Variants in ZNF407 observed in about 807,000 individuals in gnomAD.
The protein encoded by ZNF407 is zinc finger protein 407.
ZNF407 carries 17 observed loss-of-function variants against 131.2 expected under a neutral mutation model. That is an observed-to-expected ratio of 0.13 (90% CI 0.09 to 0.19). The LOEUF (loss-of-function observed/expected upper bound fraction) is 0.19, where lower values mean the gene tolerates loss of function less well. Among genes scored for constraint, ZNF407 ranks in the 10% least tolerant of loss-of-function variants. The pLI, the probability that ZNF407 is intolerant of heterozygous loss-of-function variation, is 1.00. For missense variants in ZNF407, 2,681 were observed against 2,830.6 expected (o/e 0.95, Z 1.20); for synonymous variants, 1,156 against 1,062.0 (o/e 1.09, Z -1.72).
At chr18:74,911,389 T>A (rs1225212263) in intron 7 of ZNF407, among the ~76,000 whole-genome samples, 1 of 152,222 alleles carries the variant, frequency 6.6e-6, no homozygotes, top group Non-Finnish European at 1.5e-5. Context: ...AGAATTGTAA[T>A]TGTGTTAACT....
intron 8 of ZNF407, among the ~76,000 whole-genome samples, chr18:75,004,622 A>G (rs1972886533): frequency 1.3e-5 from 2 of 152,198 alleles, no homozygotes; most frequent in South Asian, 4.1e-4. Flanking sequence ...CCCATCGTTG[A>G]GAACTGGAAT....
rs139046443 is a variant in ZNF407, at chr18:74,668,489, C to T, written c.4802+27367C>T. Among the ~76,000 whole-genome samples, 235 of 152,292 alleles carry T rather than the reference C, an allele frequency of 1.5e-3. 1 individual carries two copies. The highest frequency in any genetic ancestry group is 4.5e-3 in the African/African-American group (189 of 41,552). ...ACGTCTCCACAGCCTTTAAAGTTTG[C>T]GTGTATAACCCAGTGTTCAGAGTGT... On this transcript the variant is annotated intron_variant, in intron 3 of 8. Transcript: ENST00000299687.
chr18:74,978,860 G>T (rs906420944), intron 8 of ZNF407, among the ~76,000 whole-genome samples: 3 of 152,142 alleles, frequency 2.0e-5, no homozygotes, highest in African/African-American at 7.2e-5. Flanking sequence ...AGTATATCAT[G>T]TAAGAAGGAA....
chr18:74,823,563 T>G (rs1234773550), intron 4 of ZNF407, among the ~76,000 whole-genome samples: 1 of 152,178 alleles, frequency 6.6e-6, no homozygotes, highest in Admixed American at 6.5e-5. Flanking sequence ...GTTGCAATTC[T>G]AATTTCTGAT....
intron 7 of ZNF407, among the ~76,000 whole-genome samples, chr18:74,910,486 CTATT>C (rs1408038398): frequency 2.0e-5 from 3 of 151,970 alleles, no homozygotes; most frequent in African/African-American, 7.3e-5. Flanking sequence ...GGTTCATACT[CTATT>C]TAAGTATATA....
At chr18:74,623,802 G>C (rs1983669585) in intron 1 of ZNF407, among the ~76,000 whole-genome samples, 1 of 152,080 alleles carries the variant, frequency 6.6e-6, no homozygotes, top group Non-Finnish European at 1.5e-5. Flanking sequence ...ATAATTTATA[G>C]GTAGAAATGA....
chr18:74,750,947 C>G (rs897000986), intron 3 of ZNF407, among the ~76,000 whole-genome samples: 1 of 152,074 alleles, frequency 6.6e-6, no homozygotes, highest in African/African-American at 2.4e-5. Flanking sequence ...TCTTGAGCAA[C>G]TTTTTATGTG....
intron 7 of ZNF407, among the ~76,000 whole-genome samples, chr18:74,909,807 A>G (rs1971644613): frequency 1.3e-5 from 2 of 152,064 alleles, no homozygotes; most frequent in African/African-American, 4.8e-5. Context: ...AGTATTTTAT[A>G]GTATTCGTGT....
intron 4 of ZNF407, among the ~76,000 whole-genome samples, chr18:74,864,993 A>G (rs1178448950): frequency 6.6e-6 from 1 of 152,248 alleles, no homozygotes; most frequent in African/African-American, 2.4e-5. Context: ...ATCTATAATT[A>G]GCTGTCAGCT....
intron 8 of ZNF407, among the ~76,000 whole-genome samples, chr18:74,977,108 T>A (rs1225474088): frequency 1.3e-5 from 2 of 152,276 alleles, no homozygotes; most frequent in Non-Finnish European, 2.9e-5. Flanking sequence ...GTTTTTAATT[T>A]AACTTGTTTG....
chr18:74,641,065 C>T lies in ZNF407; in HGVS notation c.4745C>T (p.Ala1582Val). The change falls in exon 3 of 9, where the codon GCC becomes GTC. Residue 1582 changes from alanine (A) to valine (V), a missense_variant. Ala to Val is a moderately conservative substitution (Grantham distance 64). Around this residue, in one of 6 missense-constraint regions of ZNF407, gnomAD observed 213 missense variants for 332.2 expected, o/e 0.64. Transcript: ENST00000299687. ...TTTGCAACAGCTCAGCTTGGAGATGCCAGAAACCATGTGAAAAGGCACCTT... is the reference window on the plus strand; with the variant it reads ...TTTGCAACAGCTCAGCTTGGAGATGTCAGAAACCATGTGAAAAGGCACCTT... ...CHFATAQLGD[A>V]RNHVKRHLGM... 1.9e-6 allele frequency: 3 copies of T among 1,613,252 alleles called. No homozygotes were observed. The highest frequency in any genetic ancestry group is 2.5e-6 in the Non-Finnish European group (3 of 1,179,428).
intron 8 of ZNF407, among the ~76,000 whole-genome samples, chr18:74,936,346 C>T (rs1306055878): frequency 6.6e-6 from 1 of 152,112 alleles, no homozygotes; most frequent in African/African-American, 2.4e-5. Context: ...AGTATTTTAT[C>T]CTCATAGTGC....
At chr18:74,999,937 G>T (rs2122156696) in intron 8 of ZNF407, among the ~76,000 whole-genome samples, 1 of 152,306 alleles carries the variant, frequency 6.6e-6, no homozygotes, top group Middle Eastern at 3.4e-3. Flanking sequence ...ATTTCCCTGA[G>T]AGAACATAAA....
intron 8 of ZNF407, among the ~76,000 whole-genome samples, chr18:74,942,224 G>A (rs529250745): frequency 6.6e-6 from 1 of 152,358 alleles, no homozygotes; most frequent in South Asian, 2.1e-4. Flanking sequence ...AGGGAAAGTG[G>A]CTTTTGAAGC....
intron 4 of ZNF407, among the ~76,000 whole-genome samples, chr18:74,826,187 A>G (rs990090942): frequency 6.6e-5 from 10 of 152,142 alleles, no homozygotes; most frequent in Non-Finnish European, 1.5e-4. Context: ...CCCTCAATGA[A>G]GGTATTTCTT....
chr18:75,039,313 C>G (rs1973345267), intron 8 of ZNF407, among the ~76,000 whole-genome samples: 1 of 152,166 alleles, frequency 6.6e-6, no homozygotes, highest in South Asian at 2.1e-4. Flanking sequence ...TATGCCTGTA[C>G]CTCCATAGAC....
chr18:74,676,214 C>G (rs769796488), intron 3 of ZNF407, among the ~76,000 whole-genome samples: 53 of 151,716 alleles, frequency 3.5e-4, no homozygotes, highest in Non-Finnish European at 6.2e-4. Context: ...GCCTCAGCCT[C>G]CTGAGTAGCT....
intron 3 of ZNF407, among the ~76,000 whole-genome samples, chr18:74,727,478 G>A (rs940331653): frequency 6.6e-6 from 1 of 152,138 alleles, no homozygotes; most frequent in African/African-American, 2.4e-5. Context: ...ACAGTAGGTG[G>A]TCTCCGGGAC....
chr18:74,620,150 T>C (rs892791905), intron 1 of ZNF407, among the ~76,000 whole-genome samples: 6 of 152,220 alleles, frequency 3.9e-5, no homozygotes, highest in Non-Finnish European at 7.3e-5. Flanking sequence ...CTACAAAAGA[T>C]ATATTTGTCA....
Sources: allele counts gnomAD v4.1 joint callset (sites outside exome capture counted in the v4.1 genomes callset), GRCh38; gene constraint gnomAD v4.1.1; regional missense constraint gnomAD v4.1.1; transcripts MANE v1.5; gene names NCBI Gene and HGNC (gene_info 2026-07-23, HGNC 2026-07-21).